The following KHDC1 variants were observed in gnomAD, a reference collection of about 807,000 sequenced individuals.
KHDC1 encodes the protein KH domain containing 1.
KHDC1 carries 21 observed loss-of-function variants against 24.7 expected under a neutral mutation model. The observed-to-expected ratio is 0.85, with a 90% CI of 0.60 to 1.23. The LOEUF is 1.23. KHDC1 is among the 50% of genes most tolerant of loss of function. The pLI is 0.00. For missense variants in KHDC1, 274 were observed against 298.5 expected, an observed-to-expected ratio of 0.92 and a Z score of 0.61; for synonymous variants, 98 against 111.7, an observed-to-expected ratio of 0.88 and a Z score of 0.77.
chr6:73,243,365 A>G (rs560474648), intron 2 of KHDC1, among the ~76,000 whole-genome samples: 43 of 152,224 alleles, frequency 2.8e-4, no homozygotes, highest in African/African-American at 1.0e-3. Flanking sequence ...TTCAGCCTCA[A>G]CTTTTGACCA....
In KHDC1 at chr6:73,261,075, C is replaced by G. The variant is rs1766971691; in HGVS notation, c.207-18545G>C. 2.0e-5 allele frequency among the ~76,000 whole-genome samples: 3 copies of G among 152,204 alleles called. No individual in the cohort carries two copies. In the South Asian group the frequency reaches 6.2e-4, roughly 31 times the overall value. ...TAATTACCTTGCAAACCTCTCTTGT[C>G]TACTCCTACTCAGTAGCATCAAATC... On this transcript the variant is annotated intron_variant, in intron 2 of 4. Transcript: ENST00000370384.
chr6:73,261,250 C>G (rs926240823), intron 2 of KHDC1, among the ~76,000 whole-genome samples: 1 of 152,000 alleles, frequency 6.6e-6, no homozygotes, highest in Non-Finnish European at 1.5e-5. Flanking sequence ...TGAGACCAGC[C>G]TGGCCAACAT....
intron 2 of KHDC1, among the ~76,000 whole-genome samples, chr6:73,258,333 C>T (rs1766918490): frequency 6.6e-6 from 1 of 152,056 alleles, no homozygotes; most frequent in African/African-American, 2.4e-5. Flanking sequence ...GTATCAACTA[C>T]TTGGGAGACT....
At chr6:73,244,176 A>G (rs770532279) in intron 2 of KHDC1, among the ~76,000 whole-genome samples, 1 of 152,200 alleles carries the variant, frequency 6.6e-6, no homozygotes, top group South Asian at 2.1e-4. Context: ...AACTCACTCC[A>G]TATTACGCTA....
intron 2 of KHDC1, among the ~76,000 whole-genome samples, chr6:73,248,138 A>G (rs1348406086): frequency 6.6e-6 from 1 of 152,144 alleles, no homozygotes; most frequent in Non-Finnish European, 1.5e-5. Flanking sequence ...CCCTCCAGGT[A>G]AGGCATCGAG....
chr6:73,293,954 C>A (rs1767710719), intron 1 of KHDC1, among the ~76,000 whole-genome samples: 1 of 142,502 alleles, frequency 7.0e-6, no homozygotes, highest in African/African-American at 2.6e-5. Context: ...TGCAGTGAGC[C>A]AAGATCACGC....
intron 2 of KHDC1, among the ~76,000 whole-genome samples, chr6:73,273,395 T>G (rs538646630): frequency 4.9e-4 from 74 of 152,132 alleles, no homozygotes; most frequent in African/African-American, 1.7e-3. Context: ...CTCGAACTCC[T>G]GACCTGAAGT....
chr6:73,282,446 G>A (rs1031520999), intron 2 of KHDC1, among the ~76,000 whole-genome samples: 5 of 152,034 alleles, frequency 3.3e-5, no homozygotes, highest in Admixed American at 6.6e-5. Context: ...CTGGGCTTAG[G>A]CTCAACTAAC....
At chr6:73,298,619 A>G (rs1767806826) in intron 1 of KHDC1, among the ~76,000 whole-genome samples, 1 of 151,370 alleles carries the variant, frequency 6.6e-6, no homozygotes, top group Admixed American at 6.6e-5. Flanking sequence ...TATTTTTAGT[A>G]CAGACGGGGT....
At chr6:73,257,337 T>C (rs894089199) in intron 2 of KHDC1, among the ~76,000 whole-genome samples, 1 of 152,150 alleles carries the variant, frequency 6.6e-6, no homozygotes, top group Non-Finnish European at 1.5e-5. Context: ...CTTAGGAATT[T>C]GGTTTGGGGA....
intron 1 of KHDC1, chr6:73,299,404 C>A (rs1017925226): frequency 1.3e-5 from 2 of 152,288 alleles, no homozygotes; most frequent in Admixed American, 6.5e-5. Context: ...GGAGACAGCG[C>A]GGTTCACATT....
chr6:73,304,036 A>G (rs547479688), intron 1 of KHDC1, among the ~76,000 whole-genome samples: 1 of 152,000 alleles, frequency 6.6e-6, no homozygotes, highest in Admixed American at 6.6e-5. Context: ...AAACTTAGCC[A>G]GGCGTGGTGG....
At chr6:73,270,744 G>A (rs1767163361) in intron 2 of KHDC1, among the ~76,000 whole-genome samples, 1 of 151,190 alleles carries the variant, frequency 6.6e-6, no homozygotes, top group South Asian at 2.1e-4. Flanking sequence ...AGGCTAGAGT[G>A]CAGTGGCGTG....
chr6:73,291,038 G>A, intron 2 of KHDC1: 1 of 399,026 alleles, frequency 2.5e-6, no homozygotes, highest in Non-Finnish European at 4.9e-6. Context: ...AGGAAGAGTA[G>A]GCTGCAGCTG....
chr6:73,309,468 T>C, intron 1 of KHDC1: 2 of 1,371,006 alleles, frequency 1.5e-6, no homozygotes, highest in Non-Finnish European at 1.9e-6. Flanking sequence ...GGAGTGATCC[T>C]GAAAGATCCC....
At chr6:73,304,646 G>A (rs1767929663) in intron 1 of KHDC1, among the ~76,000 whole-genome samples, 1 of 152,102 alleles carries the variant, frequency 6.6e-6, no homozygotes, top group Admixed American at 6.6e-5. Flanking sequence ...TTGCTACAAT[G>A]ACATATATTA....
At chr6:73,307,337 A>C (rs1450840055) in intron 1 of KHDC1, among the ~76,000 whole-genome samples, 5 of 152,034 alleles carry the variant, frequency 3.3e-5, no homozygotes, top group Non-Finnish European at 5.9e-5. Context: ...CTGGCAGAGA[A>C]TTGCTTGAAC....
chr6:73,292,879 G>A (rs1767682113), intron 1 of KHDC1: 3 of 746,822 alleles, frequency 4.0e-6, no homozygotes, highest in African/African-American at 3.5e-5. Context: ...AGAAAAAGCT[G>A]AGAGAATGTG....
intron 2 of KHDC1, among the ~76,000 whole-genome samples, chr6:73,271,384 T>A (rs572339261): frequency 1.9e-4 from 29 of 151,666 alleles, no homozygotes; most frequent in African/African-American, 6.5e-4. Flanking sequence ...TAATTTTGTA[T>A]TTTTAGTAGA....
Sources: gnomAD v4.1 joint callset for allele counts (sites outside exome capture counted in the v4.1 genomes callset) on GRCh38, gnomAD v4.1.1 for gene constraint, MANE v1.5 for transcripts, NCBI Gene and HGNC (gene_info 2026-07-23, HGNC 2026-07-21) for gene names.